The following YTHDC2 variants were observed in gnomAD, a reference collection of about 807,000 sequenced individuals.
YTHDC2 encodes the protein YTH N6-methyladenosine RNA binding protein C2.
A neutral mutation model predicts 174.9 loss-of-function variants in YTHDC2; 45 were observed. The ratio of observed to expected loss-of-function variants is 0.26; its 90% confidence interval spans 0.20 to 0.33. The LOEUF is 0.33. Among genes scored for constraint, YTHDC2 ranks in the 10% least tolerant of loss-of-function variants. The pLI is 1.00. For synonymous variants in YTHDC2, 657 were observed against 574.5 expected (o/e 1.14, Z -2.05); for missense variants, 1,650 against 1,723.7 (o/e 0.96, Z 0.76).
At chr5:113,583,223 C>A (rs1034087041) in intron 25 of YTHDC2, 3 of 152,052 alleles carry the variant, frequency 2.0e-5, no homozygotes, top group African/African-American at 7.2e-5. Context: ...TATGTAAGGA[C>A]AATGCACTCA....
Position 113,567,635 on chromosome 5 carries a change from A to C in YTHDC2, c.3049-19A>C. On this transcript the variant is annotated intron_variant, in intron 22 of 29. Transcript: ENST00000161863. ...TGATAAACACAATTAACAATTTTTA[A>C]AATTTATTTTCTTAATAGATTCCTC... is the stretch of plus-strand genomic sequence containing the variant. 2 of 1,556,554 alleles carry C rather than the reference A, an allele frequency of 1.3e-6. No homozygotes were observed. The highest frequency in any genetic ancestry group is 1.7e-6 in the Non-Finnish European group (2 of 1,156,246).
intron 23 of YTHDC2, among the ~76,000 whole-genome samples, chr5:113,571,822 C>T (rs1777739647): frequency 6.6e-6 from 1 of 152,056 alleles, no homozygotes; most frequent in Non-Finnish European, 1.5e-5. Context: ...GTGGTGAGAT[C>T]CCTTGTATCA....
rs147751243 is a variant in YTHDC2 at position 113,515,508 on chromosome 5, G to A, written c.278+146G>A. Reference sequence around the variant, plus strand: ...ATATGTAGATAAAAGATTCAGGTCTGTACCAAATTCAACTCTTTCCTCTTC... The same window carrying A: ...ATATGTAGATAAAAGATTCAGGTCTATACCAAATTCAACTCTTTCCTCTTC... On this transcript the variant is annotated intron_variant, in intron 2 of 29. Coordinates refer to ENST00000161863, the MANE Select transcript of YTHDC2 (RefSeq NM_022828.5). 681 of 686,528 alleles carry A rather than the reference G, an allele frequency of 9.9e-4. 1 individual carries two copies. In the African/African-American group the frequency reaches 0.01, roughly 11 times the overall value. The allele number at this position is 686,528 out of a possible 1,614,324, so 42.5% of individuals were successfully genotyped here.
chr5:113,583,426 C>G (rs1022185119), intron 25 of YTHDC2: 1 of 152,068 alleles, frequency 6.6e-6, no homozygotes, highest in Non-Finnish European at 1.5e-5. Flanking sequence ...CTGAATTTGT[C>G]TCTGTTTTTT....
intron 7 of YTHDC2, among the ~76,000 whole-genome samples, chr5:113,538,488 C>T (rs571369931): frequency 6.6e-6 from 1 of 152,264 alleles, no homozygotes; most frequent in South Asian, 2.1e-4. Flanking sequence ...TTCCTTGAAA[C>T]ACCTTTAGGT....
intron 4 of YTHDC2, among the ~76,000 whole-genome samples, chr5:113,530,811 A>C (rs748227377): frequency 6.6e-6 from 1 of 151,730 alleles, no homozygotes; most frequent in Non-Finnish European, 1.5e-5. Context: ...TTTCTGGCCT[A>C]TGTTATTTTT....
At chr5:113,580,088 G>A (rs970004499) in intron 24 of YTHDC2, among the ~76,000 whole-genome samples, 19 of 152,068 alleles carry the variant, frequency 1.2e-4, no homozygotes, top group African/African-American at 4.6e-4. Flanking sequence ...ATGGCAAAAG[G>A]CAGTAGGGCA....
At chr5:113,532,625 T>G (rs1218921200) in intron 4 of YTHDC2, among the ~76,000 whole-genome samples, 1 of 152,218 alleles carries the variant, frequency 6.6e-6, no homozygotes, top group Non-Finnish European at 1.5e-5. Flanking sequence ...TAGCATTTTA[T>G]AATCTTCATG....
chr5:113,524,355 C>G (rs1477803733), intron 2 of YTHDC2, among the ~76,000 whole-genome samples: 2 of 152,108 alleles, frequency 1.3e-5, no homozygotes, highest in Non-Finnish European at 2.9e-5. Flanking sequence ...AATATACCTA[C>G]AGTAAATAAC....
intron 28 of YTHDC2, 74 bp downstream of exon 28, chr5:113,592,252 G>A: frequency 7.1e-7 from 1 of 1,401,760 alleles, no homozygotes. Context: ...TTTAATTGAG[G>A]AGAAAATGTA....
In YTHDC2 at chr5:113,526,824, AAAATAT is replaced by A. The variant is rs776124033; in HGVS notation, c.675+41_675+46del. 788 of 289,752 alleles carry A rather than the reference AAAATAT, an allele frequency of 2.7e-3. 4 individuals are homozygous for A. The highest frequency in any genetic ancestry group is 0.019 in the African/African-American group (642 of 34,050). The allele number at this position is 289,752 out of a possible 1,614,324, so 17.9% of individuals were successfully genotyped here. A position where few individuals can be genotyped will look rare whatever the true frequency, so the allele number is the denominator to read the frequency against. Reference sequence around the variant, plus strand: ...TTGTTGTTTATAGAAAAAAAAAAAAAAAATATATATATATATATATATATAGTCCCA... The same window carrying A: ...TTGTTGTTTATAGAAAAAAAAAAAAAATATATATATATATATATAGTCCCA... On this transcript the variant is annotated intron_variant, in intron 4 of 29. Coordinates refer to ENST00000161863, the MANE Select transcript of YTHDC2 (RefSeq NM_022828.5).
chr5:113,593,179 C>G lies in YTHDC2; in HGVS notation c.4213-124C>G. 3 of 648,838 alleles carry G rather than the reference C, an allele frequency of 4.6e-6. No individual in the cohort carries two copies. The South Asian group carries it at 6.0e-5, about 13-fold the overall frequency. 40.2% of individuals were successfully genotyped at this position (648,838 alleles called of 1,614,324 possible). On this transcript the variant is annotated intron_variant, in intron 28 of 29. Coordinates refer to ENST00000161863, the MANE Select transcript of YTHDC2 (RefSeq NM_022828.5). ...AACAATTCATACCAGATGATTTTAG[C>G]ATACGCTGGTAGGAAAATGAAATTT...
At position 113,593,888 on chromosome 5, in the gene YTHDC2, C is replaced by T. The variant is rs1209312259; in HGVS notation, c.*414C>T. 1.3e-5 allele frequency: 2 copies of T among 152,110 alleles called. No individual in the cohort carries two copies. Among genetic ancestry groups the T allele is most frequent in the Admixed American group, 1.3e-4 (2 of 15,248 alleles). The allele number at this position is 152,110 out of a possible 1,614,324, so 9.4% of individuals were successfully genotyped here. On this transcript the variant is annotated 3_prime_UTR_variant, in exon 30 of 30. Transcript: ENST00000161863. ...TAGAAGAGTCAACTCTTAAGATTAT[C>T]ATTAGAAAACAAATACGTCAACACC...
At chr5:113,581,988 G>T in intron 25 of YTHDC2, 2 of 228,878 alleles carry the variant, frequency 8.7e-6, no homozygotes, top group African/African-American at 2.3e-5. Flanking sequence ...TCTAGAATTG[G>T]GTCTCTCAAA....
chr5:113,537,109 T>C (rs1174389445), intron 7 of YTHDC2, among the ~76,000 whole-genome samples: 1 of 152,228 alleles, frequency 6.6e-6, no homozygotes, highest in Non-Finnish European at 1.5e-5. Flanking sequence ...CCTGATGTAC[T>C]GGATTTCTAG....
In YTHDC2 at chr5:113,525,652, A is replaced by G. The variant is rs1056617647; in HGVS notation, c.475+475A>G. 2.0e-5 allele frequency among the ~76,000 whole-genome samples: 3 copies of G among 152,258 alleles called. No homozygotes were observed. In the East Asian group the frequency reaches 5.8e-4, roughly 29 times the overall value. Reference sequence around the variant, plus strand: ...AACACACTAATAAGTGAGATTTTGAACTGGGGCTTTAGCTCTGGTAAGAGA... The same window carrying G: ...AACACACTAATAAGTGAGATTTTGAGCTGGGGCTTTAGCTCTGGTAAGAGA... On this transcript the variant is annotated intron_variant, in intron 3 of 29. Coordinates refer to ENST00000161863, the MANE Select transcript of YTHDC2 (RefSeq NM_022828.5).
intron 2 of YTHDC2, among the ~76,000 whole-genome samples, chr5:113,522,802 C>A (rs1350202887): frequency 6.6e-6 from 1 of 152,090 alleles, no homozygotes; most frequent in Non-Finnish European, 1.5e-5. Flanking sequence ...ATATCAGTGT[C>A]ACTGTGGTGC....
At chr5:113,534,522 G>A (rs918714679) in intron 6 of YTHDC2, 115 bp downstream of exon 6, 21 of 802,738 alleles carry the variant, frequency 2.6e-5, no homozygotes, top group African/African-American at 3.4e-5. Context: ...TTTTGGAATA[G>A]GGTAGAAAAG....
intron 2 of YTHDC2, among the ~76,000 whole-genome samples, chr5:113,515,605 C>G (rs907475851): frequency 6.6e-6 from 1 of 151,922 alleles, no homozygotes; most frequent in Non-Finnish European, 1.5e-5. Context: ...TTCTTCTACC[C>G]AGCTTAGGTT....
Sources: allele counts gnomAD v4.1 joint callset (sites outside exome capture counted in the v4.1 genomes callset), GRCh38; gene constraint gnomAD v4.1.1; transcripts MANE v1.5; gene names NCBI Gene and HGNC (gene_info 2026-07-23, HGNC 2026-07-21).